The following MTHFD2L variants were observed in gnomAD, a reference collection of about 807,000 sequenced individuals.
MTHFD2L encodes the protein methylenetetrahydrofolate dehydrogenase (NADP+ dependent) 2 like, also known as bifunctional methylenetetrahydrofolate dehydrogenase/cyclohydrolase 2, mitochondrial.
In MTHFD2L, 29 loss-of-function variants were observed where a neutral mutation model predicts 34.9. The ratio of observed to expected loss-of-function variants is 0.83; its 90% CI spans 0.62 to 1.13. MTHFD2L has a LOEUF of 1.13. MTHFD2L is among the 50% of genes most tolerant of loss of function. The pLI is 0.00. For missense variants in MTHFD2L, 481 were observed against 446.5 expected (o/e 1.08, Z -0.70); for synonymous variants, 167 against 155.7 (o/e 1.07, Z -0.54).
At chr4:74,227,810 C>T (rs905798120) in intron 6 of MTHFD2L, among the ~76,000 whole-genome samples, 2 of 152,104 alleles carry the variant, frequency 1.3e-5, no homozygotes, top group Non-Finnish European at 2.9e-5. Context: ...GACCTCATGT[C>T]TGCAGTTGTG....
Position 74,130,632 on chromosome 4 carries a change from A to C in MTHFD2L, c.-297+5115A>C, listed in dbSNP as rs189363036. 1.6e-4 allele frequency among the ~76,000 whole-genome samples: 25 copies of C among 152,314 alleles called. No individual in the cohort carries two copies. The East Asian group carries it at 4.8e-3, about 29-fold the overall frequency. On this transcript the variant is annotated intron_variant, in intron 1 of 7. Coordinates refer to the MTHFD2L transcript ENST00000433372. Reference sequence around the variant, plus strand: ...ATGACAAACCCACAGCCAATATCATACTGATTGGGCAAAAGCTGGAAGCAT... The same window carrying C: ...ATGACAAACCCACAGCCAATATCATCCTGATTGGGCAAAAGCTGGAAGCAT...
At chr4:74,232,381 T>G (rs568293976) in intron 6 of MTHFD2L, among the ~76,000 whole-genome samples, 62 of 152,250 alleles carry the variant, frequency 4.1e-4, no homozygotes, top group African/African-American at 1.4e-3. Context: ...GCCGAGGCAC[T>G]TAGATGAAAG....
intron 3 of MTHFD2L, among the ~76,000 whole-genome samples, chr4:74,185,531 C>T (rs1033769922): frequency 5.3e-5 from 8 of 151,890 alleles, no homozygotes; most frequent in African/African-American, 1.9e-4. Context: ...ATCAGTAAAA[C>T]CAAAGCTAGA....
At chr4:74,210,237 T>C (rs1736070122) in intron 5 of MTHFD2L, among the ~76,000 whole-genome samples, 1 of 152,230 alleles carries the variant, frequency 6.6e-6, no homozygotes, top group Admixed American at 6.5e-5. Context: ...CCATTGCTTT[T>C]GATGTTTCAG....
At chr4:74,237,688 A>G (rs898156945) in intron 6 of MTHFD2L, among the ~76,000 whole-genome samples, 13 of 152,280 alleles carry the variant, frequency 8.5e-5, no homozygotes, top group African/African-American at 2.9e-4. Context: ...GAAGCTCTTC[A>G]TAGGGGAAGA....
chr4:74,172,785 T>A (rs1293062732), intron 1 of MTHFD2L, among the ~76,000 whole-genome samples: 1 of 152,206 alleles, frequency 6.6e-6, no homozygotes, highest in Non-Finnish European at 1.5e-5. Context: ...GAACATTGTT[T>A]ACATCAAAAT....
intron 1 of MTHFD2L, among the ~76,000 whole-genome samples, chr4:74,158,830 A>G (rs1295764082): frequency 6.6e-6 from 1 of 152,112 alleles, no homozygotes; most frequent in African/African-American, 2.4e-5. Context: ...AGGTGATGAG[A>G]CTTAGATTCA....
At chr4:74,251,761 C>T (rs1337733665) in intron 6 of MTHFD2L, among the ~76,000 whole-genome samples, 1 of 152,178 alleles carries the variant, frequency 6.6e-6, no homozygotes. Flanking sequence ...CTATCTGACT[C>T]TCTTTTGTGA....
chr4:74,264,397 T>C (rs540651308), intron 6 of MTHFD2L, among the ~76,000 whole-genome samples: 57 of 152,100 alleles, frequency 3.7e-4, no homozygotes, highest in African/African-American at 1.3e-3. Flanking sequence ...ACCTATGTAC[T>C]CAACCCCTCC....
intron 6 of MTHFD2L, among the ~76,000 whole-genome samples, chr4:74,238,086 A>G (rs960577297): frequency 1.3e-5 from 2 of 152,204 alleles, no homozygotes; most frequent in African/African-American, 4.8e-5. Flanking sequence ...TAGCATCAGC[A>G]TATCTAATTA....
chr4:74,270,538 T>A (rs1208481604), intron 6 of MTHFD2L, among the ~76,000 whole-genome samples: 2 of 152,210 alleles, frequency 1.3e-5, no homozygotes, highest in Non-Finnish European at 2.9e-5. Context: ...CCATGGTGTA[T>A]ATGTGCCACA....
chr4:74,245,985 A>G (rs2110183504), intron 6 of MTHFD2L, among the ~76,000 whole-genome samples: 1 of 148,602 alleles, frequency 6.7e-6, no homozygotes, highest in East Asian at 2.0e-4. Context: ...TCCTTTGGGT[A>G]TATACCCAGT....
chr4:74,153,607 C>G (rs539342514), upstream of MTHFD2L, among the ~76,000 whole-genome samples: 1 of 152,170 alleles, frequency 6.6e-6, no homozygotes, highest in African/African-American at 2.4e-5. Flanking sequence ...ATCAGCTTTA[C>G]CTTTTTCAGT....
intron 5 of MTHFD2L, among the ~76,000 whole-genome samples, chr4:74,213,189 TG>T (rs1347770834): frequency 2.2e-4 from 33 of 152,132 alleles, no homozygotes; most frequent in Admixed American, 2.2e-3. Flanking sequence ...GCATTTAGCC[TG>T]TTTACATTTA....
At chr4:74,183,720 A>G (rs1730617119) in intron 3 of MTHFD2L, 1 of 152,054 alleles carries the variant, frequency 6.6e-6, no homozygotes, top group Non-Finnish European at 1.5e-5. Context: ...CTAGATGGAA[A>G]TATGGATCTG....
intron 6 of MTHFD2L, among the ~76,000 whole-genome samples, chr4:74,265,159 T>C (rs1745132727): frequency 6.6e-6 from 1 of 152,130 alleles, no homozygotes; most frequent in Non-Finnish European, 1.5e-5. Flanking sequence ...CCCACACATC[T>C]ATGGTTTGGT....
At chr4:74,275,469 G>T (rs1426801131) in intron 6 of MTHFD2L, among the ~76,000 whole-genome samples, 1 of 152,050 alleles carries the variant, frequency 6.6e-6, no homozygotes, top group African/African-American at 2.4e-5. Context: ...CCCAGTAATG[G>T]GATTGCTGGG....
chr4:74,264,795 A>G (rs1745094437), intron 6 of MTHFD2L, among the ~76,000 whole-genome samples: 1 of 151,932 alleles, frequency 6.6e-6, no homozygotes, highest in Non-Finnish European at 1.5e-5. Flanking sequence ...TTTTTTTACT[A>G]CTTTCTGTTA....
At chr4:74,252,116 T>C (rs1743396588) in intron 6 of MTHFD2L, among the ~76,000 whole-genome samples, 1 of 152,238 alleles carries the variant, frequency 6.6e-6, no homozygotes, top group African/African-American at 2.4e-5. Context: ...CACCTCTTTC[T>C]CTACTCTTGG....
Sources: allele counts gnomAD v4.1 joint callset (sites outside exome capture counted in the v4.1 genomes callset), GRCh38; gene constraint gnomAD v4.1.1; transcripts MANE v1.5; gene names NCBI Gene and HGNC (gene_info 2026-07-23, HGNC 2026-07-21).